The following GRIK2 variants were observed in gnomAD, a reference collection of about 807,000 sequenced individuals.
The protein encoded by GRIK2 is glutamate ionotropic receptor kainate type subunit 2.
A neutral mutation model predicts 100.3 loss-of-function variants in GRIK2; 32 were observed. That is an observed-to-expected ratio of 0.32 (90% confidence interval 0.24 to 0.43). The LOEUF (loss-of-function observed/expected upper bound fraction) is 0.43. GRIK2 is among the 20% of genes least tolerant of loss of function. The pLI is 1.00. For missense variants in GRIK2, 843 were observed against 1,114.9 expected, an observed-to-expected ratio of 0.76 and a Z score of 3.47; for synonymous variants, 417 against 389.4, an observed-to-expected ratio of 1.07 and a Z score of -0.83.
chr6:101,401,187 A>G (rs553507732), intron 2 of GRIK2, among the ~76,000 whole-genome samples: 102 of 152,302 alleles, frequency 6.7e-4, no homozygotes, highest in African/African-American at 2.3e-3. Context: ...TAGATGGAAA[A>G]AAGAAGACTT....
chr6:101,769,030 T>C (rs2128396043), intron 7 of GRIK2, among the ~76,000 whole-genome samples: 1 of 152,324 alleles, frequency 6.6e-6, no homozygotes, highest in East Asian at 1.9e-4. Flanking sequence ...CTGATATGCT[T>C]ATTATTGCTC....
intron 2 of GRIK2, among the ~76,000 whole-genome samples, chr6:101,416,615 A>C (rs1776151385): frequency 6.6e-6 from 1 of 152,234 alleles, no homozygotes; most frequent in Non-Finnish European, 1.5e-5. Context: ...ATAACAATTA[A>C]CATTTTGAAA....
chr6:101,517,529 T>TC (rs1349122305), intron 2 of GRIK2, among the ~76,000 whole-genome samples: 1 of 152,026 alleles, frequency 6.6e-6, no homozygotes, highest in Non-Finnish European at 1.5e-5. Context: ...TTAATTTTTT[T>TC]TTAGCTTTTA....
intron 2 of GRIK2, among the ~76,000 whole-genome samples, chr6:101,537,538 T>A (rs900668220): frequency 7.9e-5 from 12 of 151,616 alleles, no homozygotes; most frequent in East Asian, 1.9e-4. Flanking sequence ...ATGGCTTTTT[T>A]AAGTTATTTA....
intron 11 of GRIK2, among the ~76,000 whole-genome samples, chr6:101,878,853 G>A (rs1294995760): frequency 6.6e-6 from 1 of 151,906 alleles, no homozygotes; most frequent in Non-Finnish European, 1.5e-5. Context: ...TAAGAGTCTG[G>A]TTCAGATTCT....
chr6:101,859,302 C>G lies in GRIK2; in HGVS notation c.1333C>G (p.Leu445Val), dbSNP rs1351645179. The change falls in exon 11 of 17, where the codon CTT becomes GTT. Residue 445 changes from leucine (L) to valine (V), a missense_variant. Leu to Val is a conservative substitution (Grantham distance 32). Coordinates refer to ENST00000369134, the MANE Select transcript of GRIK2 (RefSeq NM_021956.5). ...ATGTTTTCAGGAAGAGCCTTATGTCCTTTTTAAGAAGTCTGACAAACCTCT... is the reference window on the plus strand; with the variant it reads ...ATGTTTTCAGGAAGAGCCTTATGTCGTTTTTAAGAAGTCTGACAAACCTCT... Reference protein sequence around the residue: ...VTTILEEPYVLFKKSDKPLYG... With the variant: ...VTTILEEPYVVFKKSDKPLYG... 2 of 1,584,608 alleles carry G rather than the reference C, an allele frequency of 1.3e-6. No individual in the cohort carries two copies. The highest frequency in any genetic ancestry group is 1.3e-5 in the African/African-American group (1 of 74,378).
intron 14 of GRIK2, among the ~76,000 whole-genome samples, chr6:102,026,038 G>A (rs1474011615): frequency 6.9e-6 from 1 of 144,834 alleles, no homozygotes; most frequent in African/African-American, 2.5e-5. Context: ...AACAATAGAG[G>A]GGAAAACAAG....
At chr6:101,502,886 A>G (rs1289925375) in intron 2 of GRIK2, among the ~76,000 whole-genome samples, 1 of 152,194 alleles carries the variant, frequency 6.6e-6, no homozygotes, top group Non-Finnish European at 1.5e-5. Flanking sequence ...TCTAGAGTAT[A>G]AATAAATTCT....
Position 101,541,376 on chromosome 6 carries a change from C to CCCACACACACACACACACACACA in GRIK2, c.116-80572_116-80571insCACACACACACACACACACACAC, listed in dbSNP as rs1554217240. Among the ~76,000 whole-genome samples the CCCACACACACACACACACACACA allele has an allele frequency of 1.8e-3, 10 of 5,598 alleles. 1 individual carries two copies. The highest frequency in any genetic ancestry group is 2.6e-3 in the African/African-American group (10 of 3,800). The allele number at this position is 5,598 out of a possible 152,430, so 3.7% of individuals were successfully genotyped here. ...AGATGTTACACCCCAGCGCACACAA[C>CCCACACACACACACACACACACA]CACACACACACACACACACACACAC... On this transcript the variant is annotated intron_variant, in intron 2 of 16. Transcript: ENST00000369134.
intron 14 of GRIK2, among the ~76,000 whole-genome samples, chr6:101,991,764 T>C (rs1686860078): frequency 6.6e-6 from 1 of 151,544 alleles, no homozygotes; most frequent in Non-Finnish European, 1.5e-5. Flanking sequence ...TTGTTGTTGG[T>C]AGCAGCATGC....
chr6:101,851,782 A>T (rs946900746), intron 10 of GRIK2, among the ~76,000 whole-genome samples: 1 of 151,922 alleles, frequency 6.6e-6, no homozygotes, highest in African/African-American at 2.4e-5. Flanking sequence ...TAACTAAAAA[A>T]AAAAAAAGTC....
intron 7 of GRIK2, among the ~76,000 whole-genome samples, chr6:101,717,981 A>C (rs1774187006): frequency 6.6e-6 from 1 of 151,846 alleles, no homozygotes; most frequent in African/African-American, 2.4e-5. Flanking sequence ...CTTCTTAATA[A>C]TGAAAACATA....
chr6:101,956,861 T>G (rs1341200846), intron 14 of GRIK2, among the ~76,000 whole-genome samples: 1 of 148,290 alleles, frequency 6.7e-6, no homozygotes, highest in Non-Finnish European at 1.5e-5. Flanking sequence ...GATATATACA[T>G]ATATATATAT....
chr6:101,964,390 G>A (rs1792525917), intron 14 of GRIK2, among the ~76,000 whole-genome samples: 1 of 152,098 alleles, frequency 6.6e-6, no homozygotes, highest in African/African-American at 2.4e-5. Context: ...GATTTTCCTT[G>A]TGTTTTAAGA....
intron 3 of GRIK2, among the ~76,000 whole-genome samples, chr6:101,624,519 A>G (rs949683630): frequency 1.3e-5 from 2 of 152,134 alleles, no homozygotes; most frequent in Non-Finnish European, 2.9e-5. Flanking sequence ...TTCCATGCTT[A>G]ATTCACGTAT....
At chr6:101,924,545 T>G (rs2128470313) in intron 12 of GRIK2, 56 bp from the exon 13 acceptor site, 1 of 895,640 alleles carries the variant, frequency 1.1e-6, no homozygotes, top group Non-Finnish European at 1.9e-6. Flanking sequence ...AAATGCTGGA[T>G]AGAATTTCTT....
At chr6:101,412,348 C>T (rs1582391436) in intron 2 of GRIK2, among the ~76,000 whole-genome samples, 2 of 151,892 alleles carry the variant, frequency 1.3e-5, no homozygotes, top group Admixed American at 6.6e-5. Flanking sequence ...ATTGCCTCCT[C>T]GGTGAAACAC....
At chr6:101,597,632 GAATT>G (rs755247496) in intron 2 of GRIK2, among the ~76,000 whole-genome samples, 25 of 151,730 alleles carry the variant, frequency 1.6e-4, no homozygotes, top group Admixed American at 5.9e-4. Flanking sequence ...TTTGTTGAAT[GAATT>G]AATTTAGAAC....
chr6:101,523,159 A>G (rs887929226), intron 2 of GRIK2, among the ~76,000 whole-genome samples: 51 of 152,104 alleles, frequency 3.4e-4, no homozygotes, highest in African/African-American at 1.2e-3. Context: ...CATCTTAGGG[A>G]ATTATTATCT....
Sources: gnomAD v4.1 joint callset for allele counts (sites outside exome capture counted in the v4.1 genomes callset) on GRCh38, gnomAD v4.1.1 for gene constraint, MANE v1.5 for transcripts, NCBI Gene and HGNC (gene_info 2026-07-23, HGNC 2026-07-21) for gene names.